The following PLAC1 variants were observed in gnomAD, a reference collection of about 807,000 sequenced individuals.
PLAC1 encodes the protein placenta-specific protein 1.
For synonymous variants in PLAC1, 68 were observed against 62.1 expected (o/e 1.09, Z -0.44); for missense variants, 136 against 163.2 (o/e 0.83, Z 0.91).
intron 2 of PLAC1, among the ~76,000 whole-genome samples, chrX:134,731,888 G>A (rs780518872): frequency 3.6e-5 from 4 of 111,772 alleles, no homozygotes; most frequent in Admixed American, 1.9e-4. Context: ...GGGATTGATG[G>A]CAAACACCTG....
At chrX:134,709,283 A>G (rs983561901) in intron 2 of PLAC1, among the ~76,000 whole-genome samples, 1 of 112,389 alleles carries the variant, frequency 8.9e-6, no homozygotes, top group African/African-American at 3.2e-5. Context: ...AATTGTGAAG[A>G]AGAGTAGTGA....
At chrX:134,677,114 C>T (rs1425511817) in intron 2 of PLAC1, among the ~76,000 whole-genome samples, 1 of 111,686 alleles carries the variant, frequency 9.0e-6, no homozygotes, top group East Asian at 2.8e-4. Context: ...TTGGAAGGGG[C>T]CCTGGAAATA....
At chrX:134,578,638 C>G (rs981404616) in intron 2 of PLAC1, among the ~76,000 whole-genome samples, 66 of 105,355 alleles carry the variant, frequency 6.3e-4, no homozygotes, top group Middle Eastern at 4.9e-3. Context: ...CTGCCTCAGC[C>G]TCCTGAGTAG....
chrX:134,606,480 A>G (rs2078123633), intron 1 of PLAC1, among the ~76,000 whole-genome samples: 1 of 111,673 alleles, frequency 9.0e-6, no homozygotes, highest in African/African-American at 3.3e-5. Context: ...ACAATGAGAT[A>G]CCATCTTACA....
At chrX:134,763,753 G>A (rs773166276) in intron 1 of PLAC1, among the ~76,000 whole-genome samples, 2 of 107,747 alleles carry the variant, frequency 1.9e-5, no homozygotes, top group African/African-American at 3.4e-5. Flanking sequence ...CCCGGGAGGC[G>A]GAGGTTGCAT....
At chrX:134,726,367 TCTG>T (rs894170029) in intron 2 of PLAC1, among the ~76,000 whole-genome samples, 11 of 111,679 alleles carry the variant, frequency 9.8e-5, no homozygotes, top group Non-Finnish European at 1.5e-4. Context: ...CAGTCACACT[TCTG>T]CTCTCACACT....
At chrX:134,607,645 T>TA (rs78775785) in intron 1 of PLAC1, 2,542 of 94,078 alleles carry the variant, frequency 0.027, 65 homozygotes, top group African/African-American at 0.078. Flanking sequence ...GGTATATATG[T>TA]AAAAAAAAAA....
intron 1 of PLAC1, among the ~76,000 whole-genome samples, chrX:134,652,881 A>G (rs990248710): frequency 2.7e-5 from 3 of 111,912 alleles, no homozygotes; most frequent in Non-Finnish European, 5.6e-5. Context: ...ACTGTCATGC[A>G]AAATCCTTGA....
intron 2 of PLAC1, among the ~76,000 whole-genome samples, chrX:134,708,659 C>T (rs2078617257): frequency 9.2e-6 from 1 of 108,893 alleles, no homozygotes; most frequent in Non-Finnish European, 1.9e-5. Context: ...CTGCCTCAGC[C>T]TCCCAAGTAG....
intron 2 of PLAC1, among the ~76,000 whole-genome samples, chrX:134,574,071 G>A (rs199672257): frequency 1.0e-5 from 1 of 99,772 alleles, no homozygotes; most frequent in East Asian, 3.0e-4. Context: ...CTCTCTCTCT[G>A]TCTCTCTCTC....
chrX:134,568,507 C>T (rs1432825445), intron 2 of PLAC1, among the ~76,000 whole-genome samples: 1 of 111,846 alleles, frequency 8.9e-6, no homozygotes, highest in Non-Finnish European at 1.9e-5. Context: ...TTCACTCTGC[C>T]GTTAATGATT....
chrX:134,695,702 G>A (rs2078560595), intron 2 of PLAC1, among the ~76,000 whole-genome samples: 1 of 112,340 alleles, frequency 8.9e-6, no homozygotes, highest in African/African-American at 3.2e-5. Context: ...ATGGGAATAT[G>A]TACCTTTGTG....
At position 134,568,009 on chromosome X, in the gene PLAC1, A is replaced by G. The variant is rs1433203840; in HGVS notation, c.-58-1269T>C. The stretch of plus-strand genomic sequence containing the variant: ...CTAGCTCTCAAAGAGTGACAGGCAG[A>G]CCAGTGAGGAGAAAAAGCAGTGCTA... On this transcript the variant is annotated intron_variant, in intron 2 of 2. Transcript: ENST00000359237. Among the ~76,000 whole-genome samples the G allele has an allele frequency of 2.7e-5, 3 of 111,913 alleles. No homozygotes were observed. The East Asian group carries it at 8.4e-4, about 31-fold the overall frequency.
chrX:134,693,678 T>TGAGA (rs756777420), intron 2 of PLAC1, among the ~76,000 whole-genome samples: 3 of 106,426 alleles, frequency 2.8e-5, no homozygotes, highest in Admixed American at 1.0e-4. Context: ...CAGAAGAAAT[T>TGAGA]GAGAGAGAGA....
At chrX:134,711,407 G>C (rs2078627719) in intron 2 of PLAC1, among the ~76,000 whole-genome samples, 1 of 112,037 alleles carries the variant, frequency 8.9e-6, no homozygotes, top group Non-Finnish European at 1.9e-5. Context: ...CATCAGCCTT[G>C]AGTAGATTTC....
intron 1 of PLAC1, among the ~76,000 whole-genome samples, chrX:134,756,363 C>T (rs1236787769): frequency 1.9e-5 from 2 of 107,398 alleles, no homozygotes; most frequent in African/African-American, 6.8e-5. Context: ...ATATTTGGAC[C>T]ACCTGGTACC....
rs1322224898 is a variant in PLAC1 at position 134,614,773 on chromosome X, TA to T, written c.-130-12652del. 4.5e-5 allele frequency among the ~76,000 whole-genome samples: 5 copies of T among 111,888 alleles called. No individual in the cohort carries two copies. The Admixed American group carries it at 4.8e-4, about 11-fold the overall frequency. ...CCTCCACCTCCTGAGTAGCTGGCAC[TA>T]CAGATGTGCATTATCATGCCCAGCT... On this transcript the variant is annotated intron_variant, in intron 1 of 2. Transcript: ENST00000359237.
At chrX:134,575,424 C>A (rs2077932526) in intron 2 of PLAC1, among the ~76,000 whole-genome samples, 1 of 104,721 alleles carries the variant, frequency 9.5e-6, no homozygotes, top group Admixed American at 1.1e-4. Flanking sequence ...TTGCTTGAGC[C>A]CAGAGTGAGA....
intron 2 of PLAC1, among the ~76,000 whole-genome samples, chrX:134,566,981 GAAC>G (rs2077880178): frequency 8.9e-6 from 1 of 112,268 alleles, no homozygotes; most frequent in African/African-American, 3.2e-5. Context: ...CTAATATGTA[GAAC>G]AACAGTTTAC....
Sources: gnomAD v4.1 joint callset for allele counts (sites outside exome capture counted in the v4.1 genomes callset) on GRCh38, gnomAD v4.1.1 for gene constraint, MANE v1.5 for transcripts, NCBI Gene and HGNC (gene_info 2026-07-23, HGNC 2026-07-21) for gene names.